DOCK8: variants seen among roughly 807,000 people sequenced by gnomAD.
DOCK8 encodes dedicator of cytokinesis 8.
A neutral mutation model predicts 245.6 loss-of-function variants in DOCK8; 141 were observed. The observed-to-expected ratio is 0.57, with a 90% confidence interval of 0.50 to 0.66. DOCK8 has a LOEUF of 0.66. Among genes scored for constraint, DOCK8 ranks in the 30% least tolerant of loss-of-function variants. The pLI is 0.00. For missense variants in DOCK8, 2,965 were observed against 2,603.4 expected (o/e 1.14, Z -3.02); for synonymous variants, 1,168 against 970.2 (o/e 1.20, Z -3.79).
Position 214,951 on chromosome 9 carries a change from A to G in DOCK8, c.-26A>G, listed in dbSNP as rs1380085323. ...CCCGCTTTCCGCACCCCGCGACCCT[A>G]GAAGCCACCGAACCGCCGGCGGGCC... On this transcript the variant is annotated 5_prime_UTR_variant, in exon 1 of 48. It removes the in-frame stop codon of an upstream open reading frame in the 5' UTR. Transcript: ENST00000432829. The G allele has an allele frequency of 1.2e-6, 2 of 1,603,168 alleles. No individual in the cohort carries two copies. Among genetic ancestry groups the G allele is most frequent in the Non-Finnish European group, 1.7e-6 (2 of 1,176,810 alleles).
At chr9:307,867 T>A (rs930514686) in intron 5 of DOCK8, among the ~76,000 whole-genome samples, 2 of 152,188 alleles carry the variant, frequency 1.3e-5, no homozygotes, top group Admixed American at 6.5e-5. Flanking sequence ...GTATACACGA[T>A]AGAATACTAT....
At chr9:289,732 C>T in intron 4 of DOCK8, 151 bp downstream of exon 4, 3 of 635,882 alleles carry the variant, frequency 4.7e-6, no homozygotes, top group Non-Finnish European at 8.2e-6. Context: ...ATCCCCACTC[C>T]ATATCACACA....
chr9:237,503 A>G (rs2047281424), intron 1 of DOCK8, among the ~76,000 whole-genome samples: 1 of 152,172 alleles, frequency 6.6e-6, no homozygotes, highest in Admixed American at 6.5e-5. Context: ...AAAAATACAA[A>G]AATTAGCCAG....
chr9:454,575 T>C (rs1385882741), intron 46 of DOCK8: 1 of 152,060 alleles, frequency 6.6e-6, no homozygotes, highest in Non-Finnish European at 1.5e-5. Context: ...TTCCTCTAAG[T>C]CCAGCTGGAG....
In DOCK8 at chr9:352,740, C is replaced by CAAAA. The variant is rs56298794; in HGVS notation, c.1679+12425_1679+12428dup. Among the ~76,000 whole-genome samples, 20 of 141,510 alleles carry CAAAA rather than the reference C, an allele frequency of 1.4e-4. 2 individuals carry two copies. Among genetic ancestry groups the CAAAA allele is most frequent in the Non-Finnish European group, 1.7e-4 (11 of 65,476 alleles). The allele number at this position is 141,510 out of a possible 152,430, so 92.8% of individuals were successfully genotyped here. A position where few individuals can be genotyped will look rare whatever the true frequency, so the allele number is the denominator to read the frequency against. On this transcript the variant is annotated intron_variant, in intron 14 of 47. Coordinates refer to ENST00000432829, the MANE Select transcript of DOCK8 (RefSeq NM_203447.4). ...CCAGTGACAGTGTGAGACTCTGTCT[C>CAAAA]AAAAAAAAAGTGCCGATACTTTATA...
At position 442,029 on chromosome 9, in the gene DOCK8, G is replaced by A. The variant is rs890744362; in HGVS notation, c.5490+20G>A. The A allele has an allele frequency of 6.2e-7, 1 of 1,613,634 alleles. No individual in the cohort carries two copies. Among genetic ancestry groups the A allele is most frequent in the African/African-American group, 1.3e-5 (1 of 75,034 alleles). ...CTAGAGGTAAGAAAAGTGATTCTGT[G>A]CGCCTGACCTGGTACACTTTACAAA... On this transcript the variant is annotated intron_variant, in intron 42 of 47. Coordinates refer to ENST00000432829, the MANE Select transcript of DOCK8 (RefSeq NM_203447.4).
intron 22 of DOCK8, among the ~76,000 whole-genome samples, chr9:385,660 A>C (rs913869240): frequency 5.3e-5 from 8 of 152,154 alleles, no homozygotes; most frequent in African/African-American, 1.9e-4. Context: ...AAATGCTACA[A>C]ATTACCCCTA....
At chr9:312,341 A>C (rs768709046) in intron 6 of DOCK8, 175 bp downstream of exon 6, 1 of 748,348 alleles carries the variant, frequency 1.3e-6, no homozygotes, top group South Asian at 1.5e-5. Context: ...CAGAGCCATT[A>C]TTGATTATCA....
intron 28 of DOCK8, among the ~76,000 whole-genome samples, chr9:413,023 A>G (rs1334071364): frequency 1.3e-5 from 2 of 152,170 alleles, no homozygotes; most frequent in Admixed American, 1.3e-4. Flanking sequence ...CTACAAAGCA[A>G]AAGTAGTCAA....
At chr9:247,580 C>CTGAA (rs1271950116) in intron 1 of DOCK8, among the ~76,000 whole-genome samples, 10 of 152,146 alleles carry the variant, frequency 6.6e-5, no homozygotes, top group African/African-American at 2.4e-4. Flanking sequence ...GTCGCCCAGG[C>CTGAA]TGAAGTGCAG....
intron 24 of DOCK8, among the ~76,000 whole-genome samples, chr9:391,174 C>G (rs1430077051): frequency 1.3e-5 from 2 of 152,214 alleles, no homozygotes; most frequent in Non-Finnish European, 2.9e-5. Context: ...ACCCCCAACA[C>G]ACACAGTTTC....
At chr9:462,443 AT>A (rs1406560174) in intron 46 of DOCK8, among the ~76,000 whole-genome samples, 1 of 152,176 alleles carries the variant, frequency 6.6e-6, no homozygotes, top group Non-Finnish European at 1.5e-5. Context: ...ATCTTGCAGC[AT>A]TTTTCTAAAC....
chr9:286,218 A>G (rs1237955232), intron 2 of DOCK8, among the ~76,000 whole-genome samples: 9 of 152,278 alleles, frequency 5.9e-5, no homozygotes, highest in Non-Finnish European at 1.5e-5. Flanking sequence ...AAGGAGAGAA[A>G]AATTCCGCCT....
At chr9:401,097 T>TCACCACCTCTTCCATCACCAC (rs1554692783) in intron 26 of DOCK8, among the ~76,000 whole-genome samples, 13 of 144,726 alleles carry the variant, frequency 9.0e-5, no homozygotes, top group African/African-American at 3.5e-4. Context: ...TCCACCACCA[T>TCACCACCTCTTCCATCACCAC]CACCACCTCT....
At position 376,957 on chromosome 9, in the gene DOCK8, C is replaced by G; in HGVS notation, c.2206-20C>G. 6.2e-7 allele frequency: 1 copy of G among 1,607,682 alleles called. No homozygotes were observed. Among genetic ancestry groups the G allele is most frequent in the Non-Finnish European group, 8.5e-7 (1 of 1,175,816 alleles). On this transcript the variant is annotated intron_variant, in intron 19 of 47. Coordinates refer to ENST00000432829, the MANE Select transcript of DOCK8 (RefSeq NM_203447.4). ...ATTGATGGTATAAAACCCCATGAGG[C>G]CTGCCTTCTCCCTTCGCAGGACAAC...
intron 16 of DOCK8, among the ~76,000 whole-genome samples, 196 bp from the exon 17 acceptor site, chr9:371,232 C>A (rs2053271934): frequency 6.6e-6 from 1 of 151,202 alleles, no homozygotes; most frequent in South Asian, 2.1e-4. Flanking sequence ...AGTTCATGAA[C>A]AGTTTTATGT....
chr9:328,285 C>G, intron 9 of DOCK8, 114 bp downstream of exon 9: 1 of 1,330,826 alleles, frequency 7.5e-7, no homozygotes, highest in Non-Finnish European at 1.0e-6. Flanking sequence ...CTCTGAGATT[C>G]ACTTTGTTTC....
intron 23 of DOCK8, among the ~76,000 whole-genome samples, chr9:389,193 A>G (rs1032741985): frequency 2.0e-5 from 3 of 152,200 alleles, no homozygotes; most frequent in Admixed American, 2.0e-4. Flanking sequence ...TATCAGGCAC[A>G]CTGTAATGGA....
intron 34 of DOCK8, 105 bp downstream of exon 34, chr9:427,086 G>T: frequency 1.0e-6 from 1 of 955,178 alleles, no homozygotes. Context: ...TGATCCCATA[G>T]TACCTTTTTT....
Sources: gnomAD v4.1 joint callset for allele counts (sites outside exome capture counted in the v4.1 genomes callset) on GRCh38, gnomAD v4.1.1 for gene constraint, MANE v1.5 for transcripts, NCBI Gene and HGNC (gene_info 2026-07-23, HGNC 2026-07-21) for gene names.